The following KCNIP1 variants were observed in gnomAD, a reference collection of about 807,000 sequenced individuals.
KCNIP1 encodes potassium voltage-gated channel interacting protein 1, also known as A-type potassium channel modulatory protein KCNIP1.
A neutral mutation model predicts 33.0 loss-of-function variants in KCNIP1; 18 were observed. That is an observed-to-expected ratio of 0.55 (90% CI 0.38 to 0.81). KCNIP1 has a LOEUF of 0.81. Ranked by LOEUF, KCNIP1 falls within the 30% of genes least tolerant of loss-of-function variation. The pLI is 0.00. For missense variants in KCNIP1, 238 were observed against 271.6 expected (o/e 0.88, Z 0.87); for synonymous variants, 93 against 98.3 (o/e 0.95, Z 0.32).
At chr5:170,456,099 C>T (rs975354233) in intron 1 of KCNIP1, among the ~76,000 whole-genome samples, 3 of 152,130 alleles carry the variant, frequency 2.0e-5, no homozygotes, top group African/African-American at 4.8e-5. Flanking sequence ...GAAAATGTGG[C>T]ACATATACAC....
At chr5:170,588,986 A>G (rs532459501) in intron 1 of KCNIP1, among the ~76,000 whole-genome samples, 52 of 146,242 alleles carry the variant, frequency 3.6e-4, no homozygotes, top group Admixed American at 2.1e-3. Flanking sequence ...AAATGAGCTC[A>G]TACTTACTTC....
At chr5:170,370,958 T>C (rs1004290451) in intron 1 of KCNIP1, among the ~76,000 whole-genome samples, 1 of 152,226 alleles carries the variant, frequency 6.6e-6, no homozygotes, top group Non-Finnish European at 1.5e-5. Flanking sequence ...AAGAGGACTC[T>C]GAGGCAATAT....
intron 1 of KCNIP1, among the ~76,000 whole-genome samples, chr5:170,708,048 T>C (rs976548879): frequency 6.6e-6 from 1 of 152,156 alleles, no homozygotes; most frequent in Admixed American, 6.5e-5. Context: ...AACTCAGAGC[T>C]GATGAGTTGT....
rs896626620 is a variant in KCNIP1, at chr5:170,601,663, G to A, written c.61+97030G>A. On this transcript the variant is annotated intron_variant, in intron 1 of 7. Coordinates refer to ENST00000328939, the MANE Select transcript of KCNIP1 (RefSeq NM_014592.4). ...GCAGAAAAAAGATTGCACTCATTTC[G>A]CCCTTCAACAATTATACTAAACACC... 3.3e-5 allele frequency among the ~76,000 whole-genome samples: 5 copies of A among 152,122 alleles called. No homozygotes were observed. The East Asian group carries it at 5.8e-4, about 18-fold the overall frequency.
chr5:170,643,201 G>A lies in KCNIP1; in HGVS notation c.62-75557G>A, dbSNP rs190047127. ...CCTGGAAGGGGCCATGAGCCAAGGC[G>A]TCCAGGTGGCTGGAAGCCAGAAAAA... On this transcript the variant is annotated intron_variant, in intron 1 of 7. Transcript: ENST00000328939. 7.2e-5 allele frequency among the ~76,000 whole-genome samples: 11 copies of A among 152,370 alleles called. No homozygotes were observed. The East Asian group carries it at 1.5e-3, about 21-fold the overall frequency.
chr5:170,649,991 G>A (rs1278383961), intron 1 of KCNIP1, among the ~76,000 whole-genome samples: 2 of 152,158 alleles, frequency 1.3e-5, no homozygotes, highest in African/African-American at 4.8e-5. Flanking sequence ...CCAAAGGAGG[G>A]GTGCCCTGGG....
intron 1 of KCNIP1, among the ~76,000 whole-genome samples, chr5:170,632,551 A>C: frequency 6.6e-6 from 1 of 152,248 alleles, no homozygotes; most frequent in African/African-American, 2.4e-5. Flanking sequence ...GCCCTGGGCA[A>C]GCACCACAAC....
rs1296285736 is a variant in KCNIP1 at position 170,390,502 on chromosome 5, C to CAAAAAAAAAAAAA, written c.88+36550_88+36551insAAAAAAAAAAAAA. ...GCCTGAACAGAGCGAGACCCCGTCT[C>CAAAAAAAAAAAAA]AAAAAAAAAAAACAAATATATATAT... On this transcript the variant is annotated intron_variant, in intron 1 of 7. Coordinates refer to the KCNIP1 transcript ENST00000377360. Among the ~76,000 whole-genome samples the CAAAAAAAAAAAAA allele has an allele frequency of 6.4e-4, 23 of 35,766 alleles. 1 individual carries two copies. Among genetic ancestry groups the CAAAAAAAAAAAAA allele is most frequent in the African/African-American group, 2.4e-3 (14 of 5,922 alleles). 23.5% of individuals were successfully genotyped at this position (35,766 alleles called of 152,430 possible). A position where few individuals can be genotyped will look rare whatever the true frequency, so the allele number is the denominator to read the frequency against.
intron 1 of KCNIP1, among the ~76,000 whole-genome samples, chr5:170,424,463 G>T (rs1479078399): frequency 6.6e-6 from 1 of 150,642 alleles, no homozygotes. Flanking sequence ...GAGAACAAAG[G>T]GTGCATCCCA....
At chr5:170,695,882 G>A (rs1345384744) in intron 1 of KCNIP1, among the ~76,000 whole-genome samples, 1 of 152,226 alleles carries the variant, frequency 6.6e-6, no homozygotes, top group East Asian at 1.9e-4. Context: ...AGCCAGGTGT[G>A]GTGGCATGCG....
chr5:170,548,727 C>G (rs932580533), intron 1 of KCNIP1, among the ~76,000 whole-genome samples: 2 of 152,178 alleles, frequency 1.3e-5, no homozygotes, highest in Non-Finnish European at 2.9e-5. Context: ...ATGTTGGGAC[C>G]TCTTCCCACT....
chr5:170,493,222 A>C (rs1218546115), intron 1 of KCNIP1, among the ~76,000 whole-genome samples: 1 of 152,144 alleles, frequency 6.6e-6, no homozygotes, highest in Non-Finnish European at 1.5e-5. Context: ...CCTGATGCTG[A>C]ACTGAGGACA....
intron 1 of KCNIP1, among the ~76,000 whole-genome samples, chr5:170,538,712 T>G (rs1445906214): frequency 6.6e-6 from 1 of 151,760 alleles, no homozygotes; most frequent in East Asian, 2.0e-4. Context: ...CTTGAAGAGA[T>G]GACCACAGGA....
At chr5:170,728,645 G>T (rs1380849770) in intron 5 of KCNIP1, among the ~76,000 whole-genome samples, 1 of 152,004 alleles carries the variant, frequency 6.6e-6, no homozygotes, top group Non-Finnish European at 1.5e-5. Context: ...TGAAGAGAAA[G>T]AAAATTTTGA....
chr5:170,364,299 C>T (rs1763596732), intron 1 of KCNIP1, among the ~76,000 whole-genome samples: 1 of 152,178 alleles, frequency 6.6e-6, no homozygotes, highest in Non-Finnish European at 1.5e-5. Flanking sequence ...CATACCTGGC[C>T]CTCACTTAGT....
chr5:170,696,905 G>A (rs893357137), intron 1 of KCNIP1, among the ~76,000 whole-genome samples: 8 of 152,184 alleles, frequency 5.3e-5, no homozygotes, highest in African/African-American at 1.4e-4. Context: ...TTAGCATAAG[G>A]ACAGTCAGAT....
intron 1 of KCNIP1, among the ~76,000 whole-genome samples, chr5:170,405,338 G>A (rs1755007909): frequency 1.3e-5 from 2 of 152,048 alleles, no homozygotes; most frequent in African/African-American, 4.8e-5. Context: ...GGGACTGCAG[G>A]CACCACCACC....
intron 1 of KCNIP1, among the ~76,000 whole-genome samples, chr5:170,599,630 CCTA>C: frequency 2.1e-5 from 1 of 47,826 alleles, no homozygotes; most frequent in Non-Finnish European, 3.9e-5. Flanking sequence ...GTGTGATGGA[CCTA>C]GGGGTGGGGA....
At chr5:170,551,289 T>C (rs1371544206) in intron 1 of KCNIP1, among the ~76,000 whole-genome samples, 2 of 152,236 alleles carry the variant, frequency 1.3e-5, no homozygotes, top group African/African-American at 2.4e-5. Context: ...TTTATCTGTA[T>C]AACCCTCACC....
Sources: allele counts gnomAD v4.1 joint callset (sites outside exome capture counted in the v4.1 genomes callset), GRCh38; gene constraint gnomAD v4.1.1; transcripts MANE v1.5; gene names NCBI Gene and HGNC (gene_info 2026-07-23, HGNC 2026-07-21).